The following SLC36A1 variants were observed in gnomAD, a reference collection of about 807,000 sequenced individuals.
The protein encoded by SLC36A1 is proton-coupled amino acid transporter 1.
In SLC36A1, 30 loss-of-function variants were observed where a neutral mutation model predicts 47.5. The observed-to-expected ratio is 0.63, with a 90% CI of 0.47 to 0.86. The LOEUF is 0.86. Among genes scored for constraint, SLC36A1 ranks in the 40% least tolerant of loss-of-function variants. The probability of loss-of-function intolerance (pLI) is 0.00; values close to 1 mark genes in which losing one functional copy is unlikely to be tolerated. For synonymous variants in SLC36A1, 255 were observed against 249.7 expected, an observed-to-expected ratio of 1.02 and a Z score of -0.20; for missense variants, 517 against 606.0, an observed-to-expected ratio of 0.85 and a Z score of 1.54.
At chr5:151,544,903 T>C in the SLC36A1 span, 1 of 1,614,168 alleles carries the variant, frequency 6.2e-7, no homozygotes, top group Non-Finnish European at 8.5e-7. Context: ...GATTGTGTAA[T>C]AGGGCAGATG....
chr5:151,512,128 A>C, the SLC36A1 span: 1 of 1,585,912 alleles, frequency 6.3e-7, no homozygotes, highest in Non-Finnish European at 8.6e-7. The surrounding 1 kb of genome is among the most constrained non-coding windows in gnomAD (Gnocchi z 4.1). Flanking sequence ...GCCTTCTGGG[A>C]TAAACCCTGG....
At chr5:151,353,434 T>C in the SLC36A1 span, among the ~76,000 whole-genome samples, 2 of 152,142 alleles carry the variant, frequency 1.3e-5, no homozygotes, top group African/African-American at 4.8e-5. Context: ...CAGTCTTAGG[T>C]TCACAGCAAA....
chr5:151,473,872 T>C (rs972338104), intron 8 of SLC36A1, 101 bp downstream of exon 8: 33 of 968,210 alleles, frequency 3.4e-5, no homozygotes, highest in Non-Finnish European at 1.6e-6. Context: ...AGAAAGTATC[T>C]TCTGAGGCCA....
chr5:151,393,969 G>GTT, the SLC36A1 span, among the ~76,000 whole-genome samples: 2 of 109,324 alleles, frequency 1.8e-5, no homozygotes, highest in African/African-American at 1.1e-4. Flanking sequence ...GGTTGGGGAA[G>GTT]TTCTCCTGGA....
At chr5:151,360,521 G>T in the SLC36A1 span, among the ~76,000 whole-genome samples, 102 of 152,184 alleles carry the variant, frequency 6.7e-4, no homozygotes, top group African/African-American at 2.4e-3. Context: ...CTGTTTCAGG[G>T]GTGGCAGGGG....
chr5:151,439,596 T>C (rs1051112033), intron 1 of SLC36A1, among the ~76,000 whole-genome samples: 5 of 148,990 alleles, frequency 3.4e-5, no homozygotes, highest in African/African-American at 1.2e-4. Context: ...GAGGTGGCAG[T>C]GAGCTGAGAT....
At chr5:151,531,782 CTG>C in the SLC36A1 span, 2 of 1,612,718 alleles carry the variant, frequency 1.2e-6, no homozygotes, top group Admixed American at 1.7e-5. The surrounding 1 kb of genome is among the most constrained non-coding windows in gnomAD (Gnocchi z 5.7). Context: ...ACCACCGAGA[CTG>C]TGACGGTGCC....
the SLC36A1 span, among the ~76,000 whole-genome samples, chr5:151,350,152 G>C: frequency 2.1e-5 from 3 of 142,322 alleles, no homozygotes; most frequent in Non-Finnish European, 3.1e-5. Flanking sequence ...CCCCGGCCCC[G>C]GGTACCTCCT....
At chr5:151,498,165 G>A in the SLC36A1 span, among the ~76,000 whole-genome samples, 8 of 151,916 alleles carry the variant, frequency 5.3e-5, no homozygotes, top group African/African-American at 1.7e-4. Context: ...GGCTGGTCTC[G>A]AACTCCTGAC....
the SLC36A1 span, chr5:151,554,408 A>G: frequency 2.5e-6 from 4 of 1,614,108 alleles, no homozygotes; most frequent in Non-Finnish European, 3.4e-6. Flanking sequence ...GCTGGATGAA[A>G]CCACACCTGT....
the SLC36A1 span, among the ~76,000 whole-genome samples, chr5:151,355,215 A>T: frequency 1.3e-5 from 2 of 152,150 alleles, no homozygotes; most frequent in East Asian, 3.9e-4. Context: ...TGTGGAGGGA[A>T]CACAGGAGTT....
At chr5:151,450,306 G>C (rs1214154375) in intron 1 of SLC36A1, among the ~76,000 whole-genome samples, 1 of 147,050 alleles carries the variant, frequency 6.8e-6, no homozygotes, top group South Asian at 2.2e-4. Context: ...ACTAGCATGT[G>C]GGATGGACGG....
rs78066852 is a variant in SLC36A1, at chr5:151,467,102, A to G, written c.420-97A>G. The stretch of plus-strand genomic sequence containing the variant: ...AACAAAACAGCACTTGTACTCCCTA[A>G]ATCTATTAAAAAACAAAAACAAAAA... On this transcript the variant is annotated intron_variant, in intron 5 of 10. Transcript: ENST00000243389. The G allele has an allele frequency of 0.2, 187,224 of 924,472 alleles. 21,148 individuals carry two copies. The highest frequency in any genetic ancestry group is 0.37 in the East Asian group (15,547 of 41,544). 57.3% of individuals were successfully genotyped at this position (924,472 alleles called of 1,614,324 possible).
the SLC36A1 span, among the ~76,000 whole-genome samples, chr5:151,384,448 G>C: frequency 1.3e-5 from 2 of 152,198 alleles, no homozygotes; most frequent in Non-Finnish European, 2.9e-5. Flanking sequence ...TACACATCTA[G>C]AGTGAATATT....
In SLC36A1 at chr5:151,491,864, G is replaced by A. The variant is rs1760149201; in HGVS notation, c.*3610G>A. 1.3e-5 allele frequency: 2 copies of A among 152,270 alleles called. No individual in the cohort carries two copies. The highest frequency in any genetic ancestry group is 4.8e-5 in the African/African-American group (2 of 41,454). The allele number at this position is 152,270 out of a possible 1,614,324, so 9.4% of individuals were successfully genotyped here. A position where few individuals can be genotyped will look rare whatever the true frequency, so the allele number is the denominator to read the frequency against. ...GGCCATTAGGGGAAAAGGAAGGGGTGTGGTTTGTCTTTGAAATTACGGTTA... is the reference window on the plus strand; with the variant it reads ...GGCCATTAGGGGAAAAGGAAGGGGTATGGTTTGTCTTTGAAATTACGGTTA... On this transcript the variant is annotated 3_prime_UTR_variant, in exon 11 of 11. Transcript: ENST00000243389.
At chr5:151,409,881 C>T in the SLC36A1 span, among the ~76,000 whole-genome samples, 1 of 152,140 alleles carries the variant, frequency 6.6e-6, no homozygotes, top group African/African-American at 2.4e-5. Flanking sequence ...AAAGCAGAGC[C>T]TGGGAATCTG....
chr5:151,385,184 A>G, the SLC36A1 span, among the ~76,000 whole-genome samples: 1 of 152,168 alleles, frequency 6.6e-6, no homozygotes, highest in East Asian at 1.9e-4. Context: ...CTATTTAAAA[A>G]CTGGAAAAGT....
At chr5:151,528,283 C>A in the SLC36A1 span, 1 of 849,774 alleles carries the variant, frequency 1.2e-6, no homozygotes. Flanking sequence ...AATCTCTTCA[C>A]TTACATCCTC....
intron 2 of SLC36A1, among the ~76,000 whole-genome samples, chr5:151,460,564 A>G (rs1408311126): frequency 6.6e-6 from 1 of 152,048 alleles, no homozygotes; most frequent in African/African-American, 2.4e-5. Flanking sequence ...GCCTATCTGT[A>G]GTTGATGGCA....
Sources: gnomAD v4.1 joint callset for allele counts (sites outside exome capture counted in the v4.1 genomes callset) on GRCh38, gnomAD v4.1.1 for gene constraint, Gnocchi (gnomAD v3.1) non-coding constraint, MANE v1.5 for transcripts, NCBI Gene and HGNC (gene_info 2026-07-23, HGNC 2026-07-21) for gene names.